The following SPATA13 variants were observed in gnomAD, a reference collection of about 807,000 sequenced individuals.
SPATA13 encodes spermatogenesis associated 13.
In SPATA13, 50 loss-of-function variants were observed where a neutral mutation model predicts 104.0. The ratio of observed to expected loss-of-function variants is 0.48; its 90% CI spans 0.38 to 0.61. The LOEUF (loss-of-function observed/expected upper bound fraction) is 0.61, where lower values mean the gene tolerates loss of function less well. Ranked by LOEUF, SPATA13 falls within the 20% of genes least tolerant of loss-of-function variation. The pLI is 0.00. For synonymous variants in SPATA13, 606 were observed against 667.5 expected, an observed-to-expected ratio of 0.91 and a Z score of 1.42; for missense variants, 1,524 against 1,690.6, an observed-to-expected ratio of 0.90 and a Z score of 1.73.
intron 4 of SPATA13, chr13:24,271,044 C>CTCTCTA: frequency 1.5e-6 from 1 of 665,744 alleles, no homozygotes; most frequent in South Asian, 1.6e-5. Context: ...CTCTCTCACT[C>CTCTCTA]TCTCTCTCTC....
At chr13:24,086,236 T>C (rs1314543837) in intron 3 of SPATA13, among the ~76,000 whole-genome samples, 3 of 152,244 alleles carry the variant, frequency 2.0e-5, no homozygotes, top group Non-Finnish European at 4.4e-5. Flanking sequence ...AAATATCTTT[T>C]AGTGTAAGTG....
At chr13:24,127,803 T>C (rs934996893) in intron 3 of SPATA13, among the ~76,000 whole-genome samples, 1 of 152,224 alleles carries the variant, frequency 6.6e-6, no homozygotes, top group African/African-American at 2.4e-5. Flanking sequence ...AATGGTATCA[T>C]AAATTTAAAT....
In SPATA13 at chr13:24,191,979, G is replaced by A. The variant is rs568852319; in HGVS notation, c.-111-30840G>A. Among the ~76,000 whole-genome samples the A allele has an allele frequency of 7.2e-5, 11 of 152,206 alleles. No individual in the cohort carries two copies. In the South Asian group the frequency reaches 2.3e-3, roughly 32 times the overall value. Reference sequence around the variant, plus strand: ...GAACAGTGCAGGATTATTACAGGGCGAAAAGGGAACAAAAAAGAAAAATAC... The same window carrying A: ...GAACAGTGCAGGATTATTACAGGGCAAAAAGGGAACAAAAAAGAAAAATAC... On this transcript the variant is annotated intron_variant, in intron 1 of 12. Coordinates refer to ENST00000382108, the MANE Select transcript of SPATA13 (RefSeq NM_001166271.3).
chr13:24,288,562 GGGTAAGAGGAATC>G (rs1876119468), intron 7 of SPATA13, among the ~76,000 whole-genome samples: 2 of 72,790 alleles, frequency 2.7e-5, no homozygotes, highest in Non-Finnish European at 7.0e-5. Flanking sequence ...TGGAATCCTT[GGGTAAGAGGAATC>G]CTTGCCCTGA....
intron 4 of SPATA13, among the ~76,000 whole-genome samples, chr13:24,255,430 C>T (rs1369255002): frequency 1.3e-5 from 2 of 152,114 alleles, no homozygotes; most frequent in African/African-American, 4.8e-5. Context: ...TGTGGAATCA[C>T]TCATCTGTTT....
chr13:24,022,467 T>C (rs1418469841), intron 3 of SPATA13, among the ~76,000 whole-genome samples: 1 of 152,244 alleles, frequency 6.6e-6, no homozygotes, highest in Non-Finnish European at 1.5e-5. Context: ...GAGGTAACTT[T>C]AAAATTTTAA....
chr13:24,176,234 A>G (rs1175879708), intron 1 of SPATA13, among the ~76,000 whole-genome samples: 1 of 152,202 alleles, frequency 6.6e-6, no homozygotes, highest in African/African-American at 2.4e-5. Flanking sequence ...TGTCTTTTCC[A>G]TAACACAATT....
In SPATA13 at chr13:24,011,986, G is replaced by A. The variant is rs946557389; in HGVS notation, c.-146-5681G>A. On this transcript the variant is annotated intron_variant, in intron 2 of 14. Coordinates refer to the SPATA13 transcript ENST00000424834. The surrounding 1 kb of genome is among the most constrained non-coding windows in gnomAD (Gnocchi z 4.3). ...AAAACTCACAGGCACAGGGACCGGGGCTTGCCCACCACCCTAAACAAAACT... is the reference window on the plus strand; with the variant it reads ...AAAACTCACAGGCACAGGGACCGGGACTTGCCCACCACCCTAAACAAAACT... Among the ~76,000 whole-genome samples, 2 of 152,216 alleles carry A rather than the reference G, an allele frequency of 1.3e-5. No homozygotes were observed. Among genetic ancestry groups the A allele is most frequent in the Non-Finnish European group, 2.9e-5 (2 of 68,046 alleles).
In SPATA13 at chr13:24,167,730, A is replaced by T. The variant is rs533062603; in HGVS notation, c.-112+6798A>T. 3.9e-5 allele frequency among the ~76,000 whole-genome samples: 6 copies of T among 152,324 alleles called. No individual in the cohort carries two copies. In the South Asian group the frequency reaches 1.2e-3, roughly 32 times the overall value. On this transcript the variant is annotated intron_variant, in intron 1 of 12. Coordinates refer to ENST00000382108, the MANE Select transcript of SPATA13 (RefSeq NM_001166271.3). The stretch of plus-strand genomic sequence containing the variant: ...TAGACTTGGCCTTCTGTGGCAAGTG[A>T]TCTGTCTTCTAGGGTCTAAATTTCA...
At chr13:24,014,325 G>A (rs1419554126) in intron 2 of SPATA13, among the ~76,000 whole-genome samples, 2 of 152,020 alleles carry the variant, frequency 1.3e-5, no homozygotes, top group African/African-American at 2.4e-5. Flanking sequence ...GACAACTCGG[G>A]GGCACCAACA....
chr13:24,291,744 T>TA (rs150665951), intron 9 of SPATA13, among the ~76,000 whole-genome samples: 24,983 of 100,114 alleles, frequency 0.25, 2,413 homozygotes, highest in Admixed American at 0.36. Context: ...GTCTTTATTT[T>TA]TTTATTTTTT....
chr13:24,148,743 A>C (rs1435954620), intron 3 of SPATA13, among the ~76,000 whole-genome samples: 3 of 152,222 alleles, frequency 2.0e-5, no homozygotes. Context: ...CAAACACATC[A>C]GACAAGTAAA....
At chr13:24,123,601 C>T in intron 3 of SPATA13, 2 of 1,608,138 alleles carry the variant, frequency 1.2e-6, no homozygotes, top group African/African-American at 2.7e-5. Context: ...TTACTACAGG[C>T]TGTAAACAAA....
At chr13:24,090,145 G>A (rs1175031957) in intron 3 of SPATA13, among the ~76,000 whole-genome samples, 4 of 152,116 alleles carry the variant, frequency 2.6e-5, no homozygotes, top group Non-Finnish European at 5.9e-5. Flanking sequence ...TCTGGCAAGT[G>A]TAATTCTTCT....
At chr13:23,989,474 G>GT (rs1404143017) in intron 2 of SPATA13, among the ~76,000 whole-genome samples, 1 of 151,418 alleles carries the variant, frequency 6.6e-6, no homozygotes, top group Non-Finnish European at 1.5e-5. Flanking sequence ...ATACATAAAC[G>GT]TAAGTAGCTT....
At chr13:24,069,404 G>A (rs1383559458) in intron 3 of SPATA13, among the ~76,000 whole-genome samples, 3 of 152,242 alleles carry the variant, frequency 2.0e-5, no homozygotes, top group South Asian at 4.1e-4. Flanking sequence ...GAATTCATTC[G>A]TAATTTGGCT....
intron 3 of SPATA13, among the ~76,000 whole-genome samples, chr13:24,082,741 A>AC (rs1879569834): frequency 7.0e-6 from 1 of 142,572 alleles, no homozygotes; most frequent in South Asian, 2.4e-4. Context: ...AATGGCGTGA[A>AC]CCCGGGAAGC....
Position 23,980,331 on chromosome 13 carries a change from C to T in SPATA13, c.-354+407C>T, listed in dbSNP as rs375908610. ...GGGGAGGGGCCGAGCCGCAGCGTGG[C>T]TGTGTTGCCGGGCGACGGAGGAGCC... On this transcript the variant is annotated intron_variant, in intron 1 of 14. Coordinates refer to the SPATA13 transcript ENST00000424834. Among the ~76,000 whole-genome samples the T allele has an allele frequency of 2.8e-4, 42 of 152,318 alleles. No individual in the cohort carries two copies. The East Asian group carries it at 5.4e-3, about 20-fold the overall frequency.
intron 1 of SPATA13, among the ~76,000 whole-genome samples, chr13:24,184,870 T>TCCC (rs2138531006): frequency 6.6e-6 from 1 of 152,150 alleles, no homozygotes; most frequent in African/African-American, 2.4e-5. Context: ...AAAAGGAAAA[T>TCCC]CCATTGTTTT....
Sources: gnomAD v4.1 joint callset for allele counts (sites outside exome capture counted in the v4.1 genomes callset) on GRCh38, gnomAD v4.1.1 for gene constraint, Gnocchi (gnomAD v3.1) non-coding constraint, MANE v1.5 for transcripts, NCBI Gene and HGNC (gene_info 2026-07-23, HGNC 2026-07-21) for gene names.